The following GCFC2 variants were observed in gnomAD, a reference collection of about 807,000 sequenced individuals.
GCFC2 encodes the protein intron Large complex component GCFC2.
GCFC2 carries 102 observed loss-of-function variants against 99.4 expected under a neutral mutation model. The ratio of observed to expected loss-of-function variants is 1.03; its 90% CI spans 0.87 to 1.21. The LOEUF is 1.21. Ranked by LOEUF, GCFC2 falls within the 50% of genes most tolerant of loss-of-function variation. GCFC2 has a pLI of 0.00. For missense variants in GCFC2, 973 were observed against 920.9 expected, an observed-to-expected ratio of 1.06 and a Z score of -0.73; for synonymous variants, 338 against 316.8, an observed-to-expected ratio of 1.07 and a Z score of -0.71.
chr2:75,667,815 C>A (rs1056487550), intron 15 of GCFC2, among the ~76,000 whole-genome samples: 5 of 152,060 alleles, frequency 3.3e-5, no homozygotes, highest in African/African-American at 4.8e-5. Context: ...TCATAATAGA[C>A]CCTATGGTCA....
rs530564605 is a variant in GCFC2 at position 75,665,151 on chromosome 2, A to AT, written c.2229-369dup. Reference sequence around the variant, plus strand: ...GACATTAGCAAATAATACAAATCTGATTTTTTTTTTTTTTAAAGGGACTTG... The same window carrying AT: ...GACATTAGCAAATAATACAAATCTGATTTTTTTTTTTTTTTAAAGGGACTTG... On this transcript the variant is annotated intron_variant, in intron 16 of 16. Transcript: ENST00000321027. Among the ~76,000 whole-genome samples, 1,075 of 144,308 alleles carry AT rather than the reference A, an allele frequency of 7.4e-3. 7 individuals are homozygous for AT. Among genetic ancestry groups the AT allele is most frequent in the African/African-American group, 0.022 (860 of 39,598 alleles). The allele number at this position is 144,308 out of a possible 152,430, so 94.7% of individuals were successfully genotyped here. A position where few individuals can be genotyped will look rare whatever the true frequency, so the allele number is the denominator to read the frequency against.
rs914244816 is a variant in GCFC2 at position 75,696,806 on chromosome 2, G to C, written c.718-491C>G. The stretch of plus-strand genomic sequence containing the variant: ...AAGACATTCTTTCTTTTTTTTTTGA[G>C]ATGGAGTCTCGTTCTGTTGCCCAGG... On this transcript the variant is annotated intron_variant, in intron 4 of 16. Coordinates refer to ENST00000321027, the MANE Select transcript of GCFC2 (RefSeq NM_003203.5). 2.6e-5 allele frequency among the ~76,000 whole-genome samples: 4 copies of C among 151,362 alleles called. 1 individual carries two copies. The South Asian group carries it at 8.3e-4, about 31-fold the overall frequency.
chr2:75,687,939 T>C lies in GCFC2; in HGVS notation c.1578A>G (p.Lys526=), dbSNP rs1250777221. 5.0e-6 allele frequency: 8 copies of C among 1,600,942 alleles called. No homozygotes were observed. The highest frequency in any genetic ancestry group is 1.7e-4 in the Middle Eastern group (1 of 6,048). ...TGCTATCCATAAATTCTTCTACAGA[T>C]TTGAACCATGGCATCTCTTTTAAAC... is the stretch of plus-strand genomic sequence containing the variant. The part of the protein sequence containing the change: ...STGLKEMPWF[K]SVEEFMDSSV... The change falls in exon 11 of 17, where the codon AAA becomes AAG. Residue 526 remains lysine (K), a synonymous_variant. Coordinates refer to ENST00000321027, the MANE Select transcript of GCFC2 (RefSeq NM_003203.5).
intron 4 of GCFC2, among the ~76,000 whole-genome samples, chr2:75,697,182 TA>T (rs2104380079): frequency 6.6e-6 from 1 of 152,344 alleles, no homozygotes; most frequent in African/African-American, 2.4e-5. Flanking sequence ...GTCCTCTGTC[TA>T]ATCACAGCTC....
chr2:75,710,825 G>A lies in GCFC2; in HGVS notation c.31C>T (p.Gln11Ter), dbSNP rs953731171. 2 of 1,577,990 alleles carry A rather than the reference G, an allele frequency of 1.3e-6. No individual in the cohort carries two copies. Among genetic ancestry groups the A allele is most frequent in the African/African-American group, 1.4e-5 (1 of 71,258 alleles). ...CTGTCGCTGGAATCAGCCGCGCGCT[G>A]CCGAAAAGTCCTTTTCGGCCTGTGA... MAHRPKRTFR[Q>*]RAADSSDSDG... The change falls in exon 1 of 17, where the codon CAG becomes TAG. Residue 11 changes from glutamine (Q) to a stop codon, truncating the protein, a stop_gained. Transcript: ENST00000321027. LOFTEE classifies it high-confidence loss of function.
intron 1 of GCFC2, among the ~76,000 whole-genome samples, chr2:75,707,196 T>C (rs1680910605): frequency 6.6e-6 from 1 of 152,242 alleles, no homozygotes; most frequent in Admixed American, 6.5e-5. Context: ...TAGTATGCCA[T>C]ATTTCAACGG....
intron 6 of GCFC2, among the ~76,000 whole-genome samples, chr2:75,692,360 A>T (rs536070952): frequency 6.1e-5 from 7 of 115,404 alleles, no homozygotes; most frequent in Non-Finnish European, 1.2e-4. Flanking sequence ...AGATAGATAA[A>T]CTAAATGGGG....
intron 13 of GCFC2, among the ~76,000 whole-genome samples, chr2:75,673,136 C>A (rs1262986722): frequency 1.3e-5 from 2 of 151,788 alleles, no homozygotes; most frequent in South Asian, 2.1e-4. Context: ...TGGTGAAACC[C>A]CATCTCTACT....
At chr2:75,702,467 G>A (rs760414732) in intron 2 of GCFC2, 44 bp from the exon 3 acceptor site, 7 of 1,490,330 alleles carry the variant, frequency 4.7e-6, no homozygotes, top group Admixed American at 4.1e-5. Flanking sequence ...AAAGACCAAT[G>A]TAAGTAAATA....
At chr2:75,673,415 C>A (rs1191289942) in intron 13 of GCFC2, 29 bp downstream of exon 13, 1 of 925,898 alleles carries the variant, frequency 1.1e-6, no homozygotes, top group Non-Finnish European at 1.8e-6. Flanking sequence ...TCAGCTATTT[C>A]CAACAATCTA....
intron 11 of GCFC2, among the ~76,000 whole-genome samples, chr2:75,685,518 T>G (rs1171197339): frequency 6.6e-6 from 1 of 152,140 alleles, no homozygotes; most frequent in Non-Finnish European, 1.5e-5. Context: ...CTGTCTTTAC[T>G]TGGCTTCCAA....
intron 5 of GCFC2, among the ~76,000 whole-genome samples, chr2:75,695,773 T>C (rs1258479493): frequency 1.3e-5 from 2 of 152,188 alleles, no homozygotes; most frequent in Non-Finnish European, 2.9e-5. Flanking sequence ...GTTGATCTGA[T>C]AACTGAGATG....
intron 4 of GCFC2, among the ~76,000 whole-genome samples, chr2:75,697,141 T>C (rs1322259412): frequency 6.6e-6 from 1 of 152,202 alleles, no homozygotes; most frequent in East Asian, 1.9e-4. Context: ...TCCTAACATA[T>C]ATCTTATAAC....
Position 75,702,231 on chromosome 2 carries a change from T to C in GCFC2, c.587A>G (p.Gln196Arg), listed in dbSNP as rs773595265. ...CTCAGCCATCCTTTGTCTAAGTGTT[T>C]GAGGTCTTAGAGTAAATGGTATTCT... Reference protein sequence around the residue: ...EKRIPFTLRPQTLRQRMAEES... With the variant: ...EKRIPFTLRPRTLRQRMAEES... Residue 196 changes from glutamine to arginine, a missense_variant, in exon 3 of 17, where the codon CAA becomes CGA. Physicochemically the swap from Gln to Arg is conservative, Grantham distance 43. Transcript: ENST00000321027. 2.7e-5 allele frequency: 44 copies of C among 1,606,890 alleles called. 1 individual carries two copies. The South Asian group carries it at 4.8e-4, about 18-fold the overall frequency.
chr2:75,695,215 A>AT (rs1680254321), intron 5 of GCFC2, among the ~76,000 whole-genome samples: 1 of 152,130 alleles, frequency 6.6e-6, no homozygotes, highest in Non-Finnish European at 1.5e-5. Flanking sequence ...ATACATGCTT[A>AT]TATGTTTACA....
chr2:75,691,909 A>G (rs1216394678), intron 7 of GCFC2, 68 bp downstream of exon 7: 3 of 837,126 alleles, frequency 3.6e-6, no homozygotes, highest in Non-Finnish European at 3.3e-6. Context: ...AAAAATAAAA[A>G]TATTTTTATT....
At chr2:75,704,936 A>G (rs7583552) in intron 2 of GCFC2, among the ~76,000 whole-genome samples, 28,987 of 152,238 alleles carry the variant, frequency 0.19, 3,469 homozygotes, top group South Asian at 0.26. Flanking sequence ...TCGGCCTCCC[A>G]AACTGCAGAC....
At chr2:75,701,323 A>T (rs1031475214) in intron 3 of GCFC2, 36 bp from the exon 4 acceptor site, 70 of 1,243,390 alleles carry the variant, frequency 5.6e-5, no homozygotes, top group Non-Finnish European at 8.0e-5. Context: ...AACGTTTAGT[A>T]TTTTTCCATT....
chr2:75,685,978 T>C (rs144674532), intron 11 of GCFC2, among the ~76,000 whole-genome samples: 2 of 152,348 alleles, frequency 1.3e-5, no homozygotes, highest in East Asian at 3.9e-4. Flanking sequence ...TCTCTCTTGC[T>C]GCACAACCAA....
Sources: allele counts gnomAD v4.1 joint callset (sites outside exome capture counted in the v4.1 genomes callset), GRCh38; gene constraint gnomAD v4.1.1; transcripts MANE v1.5; gene names NCBI Gene and HGNC (gene_info 2026-07-23, HGNC 2026-07-21).